The following ZNF823 variants were observed in gnomAD, a reference collection of about 807,000 sequenced individuals.
ZNF823 encodes ZFP 36 for a zinc finger protein.
A neutral mutation model predicts 11.4 loss-of-function variants in ZNF823; 5 were observed. The observed-to-expected ratio is 0.44, with a 90% CI of 0.23 to 0.92. The LOEUF is 0.92. Among genes scored for constraint, ZNF823 ranks in the 40% least tolerant of loss-of-function variants. The probability of loss-of-function intolerance (pLI) is 0.24; values close to 1 mark genes in which losing one functional copy is unlikely to be tolerated. For synonymous variants in ZNF823, 234 were observed against 250.5 expected (o/e 0.93, Z 0.62); for missense variants, 582 against 738.5 (o/e 0.79, Z 2.46).
chr19:11,727,686 G>T (rs1028933313), intron 1 of ZNF823, among the ~76,000 whole-genome samples: 16 of 152,122 alleles, frequency 1.1e-4, no homozygotes, highest in African/African-American at 3.6e-4. Flanking sequence ...AGCAAAAAAT[G>T]GTTGAAAAGC....
Position 11,721,824 on chromosome 19 carries a change from A to T in ZNF823, c.1710T>A (p.Leu570=). The part of the protein sequence containing the change: ...CGKAFTRSRF[L]RGHEKTHTGE... The stretch of plus-strand genomic sequence containing the variant: ...CAGTGTGAGTTTTTTCATGTCCTCG[A>T]AGGAAACGGGAACGAGTGAAGGCTT... The change falls in exon 4 of 4, where the codon CTT becomes CTA. Residue 570 remains leucine, a synonymous_variant. Transcript: ENST00000341191. The T allele has an allele frequency of 6.2e-7, 1 of 1,613,898 alleles. No individual in the cohort carries two copies. Among genetic ancestry groups the T allele is most frequent in the Non-Finnish European group, 8.5e-7 (1 of 1,179,974 alleles).
chr19:11,732,295 G>A (rs1974912788), intron 1 of ZNF823, among the ~76,000 whole-genome samples: 1 of 151,638 alleles, frequency 6.6e-6, no homozygotes. Context: ...CTCCCGAGCA[G>A]CCGGGACTAC....
At chr19:11,734,091 C>A (rs934227604) in intron 1 of ZNF823, among the ~76,000 whole-genome samples, 1 of 151,816 alleles carries the variant, frequency 6.6e-6, no homozygotes, top group African/African-American at 2.4e-5. Flanking sequence ...AAAAATTAGC[C>A]GGGCCTAGTG....
rs181207593 is a variant in ZNF823, at chr19:11,732,124, A to G, written c.3+6693T>C. ...TTTCTCAACAACAGCCAAATGGAAA[A>G]GAGGTATTCAGCAAGGGAAAGGGCA... On this transcript the variant is annotated intron_variant, in intron 1 of 3. Coordinates refer to ENST00000341191, the MANE Select transcript of ZNF823 (RefSeq NM_001080493.4). 3.3e-5 allele frequency among the ~76,000 whole-genome samples: 5 copies of G among 151,848 alleles called. No homozygotes were observed. The East Asian group carries it at 7.8e-4, about 24-fold the overall frequency.
In ZNF823 at chr19:11,721,771, C is replaced by T; in HGVS notation, c.1763G>A (p.Cys588Tyr). 2 of 1,614,206 alleles carry T rather than the reference C, an allele frequency of 1.2e-6. No individual in the cohort carries two copies. Among genetic ancestry groups the T allele is most frequent in the African/African-American group, 1.3e-5 (1 of 75,076 alleles). ...TGEKLYECKE[C>Y]GKALSSLRSL... is the part of the protein sequence containing the mutation. ...ACGGAGAGAACTCAATGCTTTCCCACATTCCTTACATTCATACAGCTTCTC... is the reference window on the plus strand; with the variant it reads ...ACGGAGAGAACTCAATGCTTTCCCATATTCCTTACATTCATACAGCTTCTC... Residue 588 changes from cysteine (C) to tyrosine (Y), a missense_variant, in exon 4 of 4, where the codon TGT becomes TAT. Transcript: ENST00000341191.
intron 1 of ZNF823, 22 bp from the exon 2 acceptor site, chr19:11,725,349 G>C (rs763884643): frequency 6.8e-6 from 11 of 1,612,266 alleles, no homozygotes; most frequent in Non-Finnish European, 9.3e-6. Flanking sequence ...CACATGTGCA[G>C]AGGAGGAAGG....
At chr19:11,726,287 C>CATATATATATATATATATATATATATAT (rs139368397) in intron 1 of ZNF823, among the ~76,000 whole-genome samples, 23 of 112,060 alleles carry the variant, frequency 2.1e-4, no homozygotes, top group South Asian at 6.3e-4. Flanking sequence ...ATAAAAAATA[C>CATATATATATATATATATATATATATAT]ATATATATAT....
intron 1 of ZNF823, among the ~76,000 whole-genome samples, chr19:11,734,040 G>T (rs555391260): frequency 3.9e-4 from 59 of 152,126 alleles, no homozygotes; most frequent in African/African-American, 1.3e-3. Flanking sequence ...TTCAAGACCA[G>T]CCTGGGCAAC....
At position 11,721,638 on chromosome 19, in the gene ZNF823, C is replaced by T; in HGVS notation, c.*63G>A. On this transcript the variant is annotated 3_prime_UTR_variant, in exon 4 of 4. Coordinates refer to ENST00000341191, the MANE Select transcript of ZNF823 (RefSeq NM_001080493.4). ...TGTTTACATTCATAGGGTCTATCTC[C>T]AAAGTGAGTTCTTTCAAGTTTCTGA... is the stretch of plus-strand genomic sequence containing the variant. 1 of 1,491,124 alleles carries T rather than the reference C, an allele frequency of 6.7e-7. No homozygotes were observed. 92.4% of individuals were successfully genotyped at this position (1,491,124 alleles called of 1,614,324 possible). A position where few individuals can be genotyped will look rare whatever the true frequency, so the allele number is the denominator to read the frequency against.
chr19:11,735,759 T>G (rs933521273), intron 1 of ZNF823, among the ~76,000 whole-genome samples: 1 of 152,180 alleles, frequency 6.6e-6, no homozygotes, highest in Non-Finnish European at 1.5e-5. Context: ...AATACCCATG[T>G]GTGATGAATC....
intron 1 of ZNF823, among the ~76,000 whole-genome samples, chr19:11,733,571 C>T (rs1480881390): frequency 6.6e-6 from 1 of 151,740 alleles, no homozygotes; most frequent in Non-Finnish European, 1.5e-5. Context: ...TGGTGGTGCA[C>T]GCTTGAAGTT....
rs1171102613 is a variant in ZNF823, at chr19:11,738,935, CAG to C, written c.-118_-117del. ...CTCTCTCAGCGCCAGAGCCAGGACT[CAG>C]AGCGCAGGGGCGTGGAGAAGACTCC... On this transcript the variant is annotated 5_prime_UTR_variant, in exon 1 of 4. Coordinates refer to ENST00000341191, the MANE Select transcript of ZNF823 (RefSeq NM_001080493.4). The C allele has an allele frequency of 1.5e-6, 2 of 1,373,160 alleles. No homozygotes were observed. The highest frequency in any genetic ancestry group is 1.5e-5 in the African/African-American group (1 of 67,140). The allele number at this position is 1,373,160 out of a possible 1,614,324, so 85.1% of individuals were successfully genotyped here.
chr19:11,727,472 T>C (rs1012569290), intron 1 of ZNF823, among the ~76,000 whole-genome samples: 3 of 152,016 alleles, frequency 2.0e-5, no homozygotes, highest in Non-Finnish European at 4.4e-5. Context: ...ATCATGCCAC[T>C]GCACTCCAGC....
chr19:11,728,093 G>T (rs889553204), intron 1 of ZNF823, among the ~76,000 whole-genome samples: 4 of 152,074 alleles, frequency 2.6e-5, no homozygotes, highest in Non-Finnish European at 2.9e-5. Flanking sequence ...TAGCCAGGAT[G>T]GTCTCGATCT....
intron 1 of ZNF823, chr19:11,726,081 A>G (rs902422853): frequency 7.9e-6 from 1 of 127,086 alleles, no homozygotes; most frequent in Non-Finnish European, 1.6e-5. Flanking sequence ...TACAAAAAAA[A>G]AAAAAAAAAA....
chr19:11,726,289 T>TAC (rs903207312), intron 1 of ZNF823, among the ~76,000 whole-genome samples: 1 of 112,754 alleles, frequency 8.9e-6, no homozygotes, highest in African/African-American at 4.8e-5. Flanking sequence ...AAAAAATACA[T>TAC]ATATATATAT....
rs546087722 is a variant in ZNF823 at position 11,727,909 on chromosome 19, C to T, written c.4-2582G>A. ...CTTTCTTTCTTTTTTTTTTTTGAGACGGGAGTCTCGCTCTGTAGCCCAGGC... is the reference window on the plus strand; with the variant it reads ...CTTTCTTTCTTTTTTTTTTTTGAGATGGGAGTCTCGCTCTGTAGCCCAGGC... On this transcript the variant is annotated intron_variant, in intron 1 of 3. Coordinates refer to ENST00000341191, the MANE Select transcript of ZNF823 (RefSeq NM_001080493.4). Among the ~76,000 whole-genome samples the T allele has an allele frequency of 2.4e-4, 36 of 148,760 alleles. No individual in the cohort carries two copies. In the East Asian group the frequency reaches 3.6e-3, roughly 15 times the overall value.
At chr19:11,735,281 C>CAAAAAAA (rs60923876) in intron 1 of ZNF823, among the ~76,000 whole-genome samples, 48 of 98,776 alleles carry the variant, frequency 4.9e-4, no homozygotes, top group East Asian at 7.3e-4. Flanking sequence ...TTTCAAAAAA[C>CAAAAAAA]AAAAAAAAAA....
chr19:11,724,751 G>T (rs1376262351), intron 2 of ZNF823, among the ~76,000 whole-genome samples: 1 of 151,432 alleles, frequency 6.6e-6, no homozygotes. Flanking sequence ...TAGTAGAGAC[G>T]GGGTTTCACC....
Sources: gnomAD v4.1 joint callset for allele counts (sites outside exome capture counted in the v4.1 genomes callset) on GRCh38, gnomAD v4.1.1 for gene constraint, MANE v1.5 for transcripts, NCBI Gene and HGNC (gene_info 2026-07-23, HGNC 2026-07-21) for gene names.